Variants in LIMCH1 observed in about 807,000 individuals in gnomAD.
The protein encoded by LIMCH1 is LIM and calponin homology domains-containing protein 1.
A neutral mutation model predicts 176.5 loss-of-function variants in LIMCH1; 113 were observed. That is an observed-to-expected ratio of 0.64 (90% CI 0.55 to 0.75). The LOEUF is 0.75. Among genes scored for constraint, LIMCH1 ranks in the 30% least tolerant of loss-of-function variants. LIMCH1 has a pLI of 0.00. For missense variants in LIMCH1, 1,674 were observed against 1,814.9 expected, an observed-to-expected ratio of 0.92 and a Z score of 1.41; for synonymous variants, 619 against 645.9, an observed-to-expected ratio of 0.96 and a Z score of 0.63.
chr4:41,444,309 TATATACACACACACACAC>T (rs1266053322), intron 1 of LIMCH1, among the ~76,000 whole-genome samples: 2,440 of 99,566 alleles, frequency 0.025, 64 homozygotes, highest in African/African-American at 0.064. Context: ...TGTGTGTATA[TATATACACACACACACAC>T]ACACACACAC....
intron 2 of LIMCH1, among the ~76,000 whole-genome samples, chr4:41,505,767 A>G (rs1288592113): frequency 6.6e-6 from 1 of 152,142 alleles, no homozygotes; most frequent in African/African-American, 2.4e-5. Context: ...TATTTCACTC[A>G]TTGGACACTG....
chr4:41,571,857 A>T (rs1289295441), intron 1 of LIMCH1, among the ~76,000 whole-genome samples: 1 of 152,176 alleles, frequency 6.6e-6, no homozygotes, highest in Admixed American at 6.5e-5. Flanking sequence ...GTCGAAAACC[A>T]TTGCCACCTC....
intron 18 of LIMCH1, among the ~76,000 whole-genome samples, chr4:41,655,696 C>A (rs1460443130): frequency 6.6e-6 from 1 of 151,992 alleles, no homozygotes; most frequent in Non-Finnish European, 1.5e-5. Flanking sequence ...TCTTTCCCCC[C>A]ACCTTTTGTA....
At chr4:41,440,659 A>G (rs2062603833) in intron 1 of LIMCH1, among the ~76,000 whole-genome samples, 1 of 152,058 alleles carries the variant, frequency 6.6e-6, no homozygotes. Context: ...CAGCCTCCCA[A>G]GTAACCAGGA....
At chr4:41,609,242 GT>G (rs5857806) in intron 4 of LIMCH1, among the ~76,000 whole-genome samples, 10,381 of 146,874 alleles carry the variant, frequency 0.071, 389 homozygotes, top group African/African-American at 0.087. Context: ...CCCACCTTAT[GT>G]TTTTTTTTTT....
At chr4:41,496,164 A>G (rs1272139814) in intron 2 of LIMCH1, among the ~76,000 whole-genome samples, 5 of 152,326 alleles carry the variant, frequency 3.3e-5, no homozygotes, top group Middle Eastern at 6.8e-3. Context: ...TGTTGGTTCA[A>G]TTGAAGTGGG....
At chr4:41,511,337 T>C (rs2074893835) in intron 2 of LIMCH1, among the ~76,000 whole-genome samples, 1 of 152,154 alleles carries the variant, frequency 6.6e-6, no homozygotes, top group Admixed American at 6.5e-5. Flanking sequence ...ACAAACGCAA[T>C]GGGCACCTTT....
intron 1 of LIMCH1, among the ~76,000 whole-genome samples, chr4:41,540,140 C>A (rs1210064785): frequency 6.6e-6 from 1 of 152,084 alleles, no homozygotes; most frequent in Non-Finnish European, 1.5e-5. Context: ...TTTGTTTCCT[C>A]GTCTGTAAAA....
chr4:41,550,173 A>G (rs1047410185), intron 1 of LIMCH1, among the ~76,000 whole-genome samples: 3 of 151,582 alleles, frequency 2.0e-5, no homozygotes, highest in Non-Finnish European at 4.4e-5. Context: ...CTATTTAAAA[A>G]CTGATTATCC....
chr4:41,629,478 G>A lies in LIMCH1; in HGVS notation c.1029-14G>A, dbSNP rs1382472777. 6.5e-7 allele frequency: 1 copy of A among 1,535,636 alleles called. No individual in the cohort carries two copies. The highest frequency in any genetic ancestry group is 1.4e-5 in the African/African-American group (1 of 73,128). On this transcript the variant is annotated splice_polypyrimidine_tract_variant and intron_variant, in intron 8 of 31. Transcript: ENST00000503057. ...ATTTTTCCATTGGTGTGGGGGCCCG[G>A]ATCAAATGGACAGAAACCAGGGCCA...
At chr4:41,679,506 A>G (rs1386317274) in intron 23 of LIMCH1, among the ~76,000 whole-genome samples, 2 of 152,218 alleles carry the variant, frequency 1.3e-5, no homozygotes, top group African/African-American at 4.8e-5. Flanking sequence ...TTTTGGTAGA[A>G]TAGTCACAAG....
At chr4:41,544,857 G>C (rs1270243068) in intron 1 of LIMCH1, among the ~76,000 whole-genome samples, 1 of 152,170 alleles carries the variant, frequency 6.6e-6, no homozygotes, top group Non-Finnish European at 1.5e-5. Flanking sequence ...CACTGTCATG[G>C]GTTTAGCTTT....
chr4:41,574,529 T>G (rs2084128801), intron 1 of LIMCH1, among the ~76,000 whole-genome samples: 1 of 151,934 alleles, frequency 6.6e-6, no homozygotes, highest in Non-Finnish European at 1.5e-5. Flanking sequence ...CCTCAGGTGA[T>G]CCACCTGCCT....
intron 3 of LIMCH1, chr4:41,524,580 C>G (rs534564458): frequency 1.1e-6 from 1 of 872,652 alleles, no homozygotes; most frequent in African/African-American, 1.7e-5. Flanking sequence ...AATATATATT[C>G]CACTTGAATG....
At chr4:41,531,474 T>TCACACACACACACA (rs59275736) in intron 3 of LIMCH1, among the ~76,000 whole-genome samples, 249 of 127,070 alleles carry the variant, frequency 2.0e-3, no homozygotes, top group African/African-American at 6.1e-3. Flanking sequence ...TCTTTCTCTG[T>TCACACACACACACA]CACACACACA....
chr4:41,538,776 CCT>C (rs2078247697), intron 1 of LIMCH1, among the ~76,000 whole-genome samples: 1 of 152,020 alleles, frequency 6.6e-6, no homozygotes, highest in African/African-American at 2.4e-5. Flanking sequence ...CACCTGAGCC[CCT>C]GTCACATTCT....
chr4:41,386,084 A>G (rs749893674), intron 1 of LIMCH1: 9 of 152,250 alleles, frequency 5.9e-5, no homozygotes, highest in Non-Finnish European at 1.2e-4. Context: ...ACATTGATTA[A>G]TAGTAAAAAG....
chr4:41,381,161 T>C (rs1465997556), intron 1 of LIMCH1, among the ~76,000 whole-genome samples: 1 of 152,188 alleles, frequency 6.6e-6, no homozygotes, highest in Non-Finnish European at 1.5e-5. Flanking sequence ...TAAACTAATA[T>C]CTTAATATAG....
chr4:41,548,198 T>G (rs549251595), intron 1 of LIMCH1, among the ~76,000 whole-genome samples: 1 of 152,050 alleles, frequency 6.6e-6, no homozygotes, highest in East Asian at 1.9e-4. Flanking sequence ...GCTTACACTT[T>G]AATCTATAAT....
Sources: allele counts gnomAD v4.1 joint callset (sites outside exome capture counted in the v4.1 genomes callset), GRCh38; gene constraint gnomAD v4.1.1; transcripts MANE v1.5; gene names NCBI Gene and HGNC (gene_info 2026-07-23, HGNC 2026-07-21).